The following LRFN5 variants were observed in gnomAD, a reference collection of about 807,000 sequenced individuals.
The protein encoded by LRFN5 is leucine-rich repeat and fibronectin type-III domain-containing protein 5.
A neutral mutation model predicts 45.6 loss-of-function variants in LRFN5; 24 were observed. The observed-to-expected ratio is 0.53, with a 90% CI of 0.38 to 0.74. LRFN5 has a LOEUF of 0.74. Ranked by LOEUF, LRFN5 falls within the 30% of genes least tolerant of loss-of-function variation. The pLI is 0.00. For missense variants in LRFN5, 776 were observed against 861.5 expected (o/e 0.90, Z 1.24); for synonymous variants, 340 against 313.8 (o/e 1.08, Z -0.88).
At chr14:41,770,718 T>C (rs1886052116) in intron 2 of LRFN5, among the ~76,000 whole-genome samples, 1 of 152,110 alleles carries the variant, frequency 6.6e-6, no homozygotes, top group South Asian at 2.1e-4. Flanking sequence ...CAGGTTGCAG[T>C]TGTATGCTTG....
chr14:41,879,477 A>G (rs1327324062), intron 2 of LRFN5, among the ~76,000 whole-genome samples: 2 of 151,762 alleles, frequency 1.3e-5, no homozygotes, highest in Non-Finnish European at 2.9e-5. Flanking sequence ...TTCTTTCCTC[A>G]TCTTCTCCTT....
At chr14:41,806,079 A>G (rs1027701136) in intron 2 of LRFN5, among the ~76,000 whole-genome samples, 2 of 152,162 alleles carry the variant, frequency 1.3e-5, no homozygotes, top group African/African-American at 4.8e-5. Flanking sequence ...AAAGAAATAT[A>G]TTTTGGTGTA....
intron 1 of LRFN5, among the ~76,000 whole-genome samples, chr14:41,761,590 A>G (rs910719280): frequency 6.6e-6 from 1 of 152,076 alleles, no homozygotes; most frequent in African/African-American, 2.4e-5. Flanking sequence ...TGACATTTAC[A>G]TTGTCAGAGC....
intron 1 of LRFN5, among the ~76,000 whole-genome samples, chr14:41,721,384 T>A (rs895858826): frequency 3.9e-5 from 6 of 152,164 alleles, no homozygotes; most frequent in Non-Finnish European, 7.4e-5. Context: ...AGGTTAATAT[T>A]GATATGTGAG....
intron 1 of LRFN5, among the ~76,000 whole-genome samples, chr14:41,650,267 A>ACACACACACACAC (rs1555351106): frequency 2.0e-4 from 24 of 121,826 alleles, no homozygotes; most frequent in African/African-American, 3.3e-4. Context: ...ACACACACAC[A>ACACACACACACAC]AAAAAAAAAA....
At chr14:41,630,909 A>G (rs1277030871) in intron 1 of LRFN5, among the ~76,000 whole-genome samples, 1 of 152,140 alleles carries the variant, frequency 6.6e-6, no homozygotes, top group Non-Finnish European at 1.5e-5. Flanking sequence ...TAACAATTAT[A>G]ATCTGGAGAT....
intron 1 of LRFN5, among the ~76,000 whole-genome samples, chr14:41,647,777 A>G: frequency 6.6e-6 from 1 of 152,174 alleles, no homozygotes; most frequent in South Asian, 2.1e-4. Context: ...TTTGATAGTC[A>G]TCCAGTTTTT....
intron 1 of LRFN5, among the ~76,000 whole-genome samples, chr14:41,654,872 A>T (rs1004911552): frequency 6.6e-6 from 1 of 152,020 alleles, no homozygotes; most frequent in Non-Finnish European, 1.5e-5. Flanking sequence ...TTTTAGAGAG[A>T]TACCACATGA....
chr14:41,693,363 T>C (rs1032142820), intron 1 of LRFN5, among the ~76,000 whole-genome samples: 1 of 152,108 alleles, frequency 6.6e-6, no homozygotes, highest in Non-Finnish European at 1.5e-5. Context: ...TTTAACAATA[T>C]AGAGTCTTCC....
intron 1 of LRFN5, among the ~76,000 whole-genome samples, chr14:41,612,796 A>G (rs1887801072): frequency 6.6e-6 from 1 of 152,052 alleles, no homozygotes; most frequent in Non-Finnish European, 1.5e-5. Flanking sequence ...GAGGTGAACC[A>G]TTTTTAGTAT....
chr14:41,839,466 A>G (rs1330928752), intron 2 of LRFN5, among the ~76,000 whole-genome samples: 2 of 152,136 alleles, frequency 1.3e-5, no homozygotes, highest in Non-Finnish European at 1.5e-5. Flanking sequence ...AGTCTGTACA[A>G]TATCTCTGTT....
rs143006753 is a variant in LRFN5 at position 41,651,852 on chromosome 14, G to A, written c.-197+43290G>A. Among the ~76,000 whole-genome samples the A allele has an allele frequency of 5.4e-4, 82 of 152,228 alleles. No homozygotes were observed. The East Asian group carries it at 0.014, about 27-fold the overall frequency. ...TAGAGACTAGAAGTACAAGAACAAC[G>A]TGTTGGCAGGGTTGGTTTCTTCTGA... On this transcript the variant is annotated intron_variant, in intron 1 of 5. Coordinates refer to ENST00000298119, the MANE Select transcript of LRFN5 (RefSeq NM_152447.5).
chr14:41,885,077 C>T (rs1248399008), intron 2 of LRFN5, among the ~76,000 whole-genome samples: 2 of 151,028 alleles, frequency 1.3e-5, no homozygotes, highest in East Asian at 3.9e-4. Context: ...AGTAAGGTAG[C>T]TCATGCCTGT....
At chr14:41,671,806 C>G (rs554657277) in intron 1 of LRFN5, among the ~76,000 whole-genome samples, 1 of 151,752 alleles carries the variant, frequency 6.6e-6, no homozygotes, top group Non-Finnish European at 1.5e-5. Flanking sequence ...TTAGTAGAGA[C>G]AGGGTTTCAC....
chr14:41,887,106 A>G lies in LRFN5; in HGVS notation c.481A>G (p.Thr161Ala). ...GGATCTGTCCTATAATAATCTAGAA[A>G]CCATTCCTTGGGATGCTGTTGAGAA... ...ELDLSYNNLE[T>A]IPWDAVEKMV... Residue 161 changes from threonine (T) to alanine (A), a missense_variant, in exon 3 of 6, where the codon ACC becomes GCC. Thr to Ala is a moderately conservative substitution (Grantham distance 58, BLOSUM62 0). Coordinates refer to ENST00000298119, the MANE Select transcript of LRFN5 (RefSeq NM_152447.5). The surrounding 1 kb of genome is among the most constrained non-coding windows in gnomAD (Gnocchi z 4.8). The G allele has an allele frequency of 1.2e-6, 2 of 1,613,956 alleles. No homozygotes were observed. Among genetic ancestry groups the G allele is most frequent in the Non-Finnish European group, 1.7e-6 (2 of 1,180,026 alleles).
intron 1 of LRFN5, among the ~76,000 whole-genome samples, chr14:41,714,087 AT>A (rs58830063): frequency 0.023 from 3,505 of 152,268 alleles, 38 homozygotes; most frequent in Middle Eastern, 0.037. Flanking sequence ...GAGAAATGGC[AT>A]TATGTGTATC....
chr14:41,786,568 G>A (rs1029662497), intron 2 of LRFN5, among the ~76,000 whole-genome samples: 8 of 141,666 alleles, frequency 5.6e-5, no homozygotes, highest in South Asian at 2.3e-4. Context: ...CAGAAAGTTC[G>A]TTGTACTATG....
intron 3 of LRFN5, among the ~76,000 whole-genome samples, chr14:41,890,599 C>T (rs985841816): frequency 3.3e-5 from 5 of 150,970 alleles, no homozygotes; most frequent in Admixed American, 6.6e-5. Flanking sequence ...CCCAGCTACT[C>T]GGCAGGCTGA....
chr14:41,669,476 C>T (rs538154020), intron 1 of LRFN5, among the ~76,000 whole-genome samples: 493 of 152,000 alleles, frequency 3.2e-3, no homozygotes, highest in African/African-American at 0.011. Flanking sequence ...TTATATCTAA[C>T]ATTAGAATCC....
Sources: allele counts gnomAD v4.1 joint callset (sites outside exome capture counted in the v4.1 genomes callset), GRCh38; gene constraint gnomAD v4.1.1; non-coding constraint Gnocchi (gnomAD v3.1); transcripts MANE v1.5; gene names NCBI Gene and HGNC (gene_info 2026-07-23, HGNC 2026-07-21).